The following LRRK2 variants were observed in gnomAD, a reference collection of about 807,000 sequenced individuals.
The protein encoded by LRRK2 is leucine-rich repeat serine/threonine-protein kinase 2.
Under a neutral mutation model 302.6 loss-of-function variants are expected in LRRK2, and 203 were observed. The observed-to-expected ratio is 0.67, with a 90% CI of 0.60 to 0.75. The LOEUF (loss-of-function observed/expected upper bound fraction) is 0.75, where lower values mean the gene tolerates loss of function less well. Ranked by LOEUF, LRRK2 falls within the 30% of genes least tolerant of loss-of-function variation. The pLI is 0.00. For synonymous variants in LRRK2, 1,066 were observed against 1,031.9 expected (o/e 1.03, Z -0.63); for missense variants, 2,830 against 2,951.0 (o/e 0.96, Z 0.95).
intron 13 of LRRK2, 109 bp from the exon 14 acceptor site, chr12:40,263,680 A>T (rs921797617): frequency 1.4e-6 from 1 of 735,898 alleles, no homozygotes; most frequent in Non-Finnish European, 2.3e-6. Flanking sequence ...AAAAAAGTAC[A>T]ACACATATAT....
chr12:40,321,145 C>A lies in LRRK2; in HGVS notation c.5127C>A (p.Ile1709=). The A allele has an allele frequency of 6.2e-7, 1 of 1,612,584 alleles. No individual in the cohort carries two copies. Among genetic ancestry groups the A allele is most frequent in the Non-Finnish European group, 8.5e-7 (1 of 1,178,874 alleles). Residue 1709 remains isoleucine, a synonymous_variant, in exon 35 of 51, where the codon ATC becomes ATA. Transcript: ENST00000298910. ...CAATGGGATTTTGGTCAAGATTAAT[C>A]AATCGATTACTTGAGATTTCACCTT... The part of the protein sequence containing the change: ...YFPMGFWSRL[I]NRLLEISPYM...
rs186665868 is a variant in LRRK2, at chr12:40,364,994, T to A, written c.7334T>A (p.Ile2445Lys). The A allele has an allele frequency of 6.2e-7, 1 of 1,612,548 alleles. No homozygotes were observed. Among genetic ancestry groups the A allele is most frequent in the East Asian group, 2.2e-5 (1 of 44,844 alleles). ...LLLDLSTRRL[I>K]RVIYNFCNSV... is the part of the protein sequence containing the mutation. ...CTGGATCTTTCAACTCGTCGACTTA[T>A]ACGTGTAATTTACAACTTTTGTAAT... The change falls in exon 49 of 51, where the codon ATA becomes AAA. Residue 2445 changes from isoleucine to lysine, a missense_variant. Coordinates refer to ENST00000298910, the MANE Select transcript of LRRK2 (RefSeq NM_198578.4).
intron 25 of LRRK2, among the ~76,000 whole-genome samples, chr12:40,301,766 G>C (rs1238777516): frequency 6.6e-6 from 1 of 150,406 alleles, no homozygotes; most frequent in Admixed American, 6.6e-5. Flanking sequence ...GTGTTCATCT[G>C]ATCTAGCTAC....
chr12:40,255,152 T>C (rs1166989796), intron 11 of LRRK2, among the ~76,000 whole-genome samples: 6 of 152,062 alleles, frequency 3.9e-5, no homozygotes. Context: ...TAAGTAAAAA[T>C]CCCAGGCTCA....
chr12:40,270,681 C>G (rs1255637719), intron 14 of LRRK2, among the ~76,000 whole-genome samples: 1 of 152,002 alleles, frequency 6.6e-6, no homozygotes, highest in Non-Finnish European at 1.5e-5. Context: ...TGAAATCCAT[C>G]CACTTTATTA....
chr12:40,297,120 T>A (rs11175926), intron 23 of LRRK2, among the ~76,000 whole-genome samples: 4,348 of 152,306 alleles, frequency 0.029, 221 homozygotes, highest in African/African-American at 0.095. Context: ...CAGTGCCTAG[T>A]GAGATCTGAC....
At chr12:40,264,845 C>A (rs1242754568) in intron 14 of LRRK2, among the ~76,000 whole-genome samples, 1 of 151,936 alleles carries the variant, frequency 6.6e-6, no homozygotes, top group African/African-American at 2.4e-5. Flanking sequence ...TTGTGTAATG[C>A]AAAAAGTATT....
intron 43 of LRRK2, among the ~76,000 whole-genome samples, chr12:40,349,636 C>T (rs934729514): frequency 6.6e-6 from 1 of 152,160 alleles, no homozygotes; most frequent in Non-Finnish European, 1.5e-5. Context: ...ATCCTGTCGC[C>T]TCAGTCTCCA....
At position 40,315,367 on chromosome 12, in the gene LRRK2, C is replaced by G. The variant is rs541116400; in HGVS notation, c.4827+67C>G. The G allele has an allele frequency of 4.2e-4, 547 of 1,307,032 alleles. 4 individuals carry two copies. In the Middle Eastern group the frequency reaches 4.4e-3, roughly 11 times the overall value. 81.0% of individuals were successfully genotyped at this position (1,307,032 alleles called of 1,614,324 possible). On this transcript the variant is annotated intron_variant, in intron 33 of 50. Coordinates refer to ENST00000298910, the MANE Select transcript of LRRK2 (RefSeq NM_198578.4). ...AGCATAGAACAGATGGCGCCCAGAG[C>G]ATTGAGCATTTTAGAATTTGGGTTT...
At chr12:40,228,570 T>C (rs1941024504) in intron 2 of LRRK2, among the ~76,000 whole-genome samples, 2 of 152,034 alleles carry the variant, frequency 1.3e-5, no homozygotes, top group Non-Finnish European at 1.5e-5. Flanking sequence ...TTGTTAATTA[T>C]TTTCTTTGTT....
At position 40,251,275 on chromosome 12, in the gene LRRK2, G is replaced by T. The variant is rs1942258164; in HGVS notation, c.1002G>T (p.Glu334Asp). 6.2e-7 allele frequency: 1 copy of T among 1,610,150 alleles called. No individual in the cohort carries two copies. The highest frequency in any genetic ancestry group is 1.1e-5 in the South Asian group (1 of 90,580). Reference protein sequence around the residue: ...FLNQDLEEKNENQENDDEGEE... With the variant: ...FLNQDLEEKNDNQENDDEGEE... ...ATCAAGATTTAGAGGAAAAGAATGA[G>T]AATCAAGAGAATGATGATGAGGGGG... Residue 334 changes from glutamate to aspartate, a missense_variant, in exon 9 of 51, where the codon GAG becomes GAT. This residue lies in a region of LRRK2 where 2,121 missense variants were observed against 2,148.0 expected (regional missense o/e 0.99). Coordinates refer to ENST00000298910, the MANE Select transcript of LRRK2 (RefSeq NM_198578.4).
At chr12:40,228,468 TTTTTAGTTCCTTATG>T (rs1941016876) in intron 2 of LRRK2, among the ~76,000 whole-genome samples, 1 of 150,700 alleles carries the variant, frequency 6.6e-6, no homozygotes, top group South Asian at 2.1e-4. Flanking sequence ...TAATTGAGTT[TTTTTAGTTCCTTATG>T]TATTCTGGTT....
chr12:40,367,210 G>A, intron 50 of LRRK2, 133 bp downstream of exon 50: 1 of 727,896 alleles, frequency 1.4e-6, no homozygotes, highest in South Asian at 1.8e-5. Context: ...AGTTTATAGT[G>A]TAAAGAACTT....
chr12:40,235,841 A>AAATG (rs1250506403), intron 4 of LRRK2, 127 bp downstream of exon 4: 1 of 607,236 alleles, frequency 1.6e-6, no homozygotes, highest in African/African-American at 2.2e-5. Flanking sequence ...AGCTTGATTT[A>AAATG]AATGTCCTAA....
chr12:40,261,332 A>T (rs972308388), intron 13 of LRRK2, among the ~76,000 whole-genome samples: 1 of 151,988 alleles, frequency 6.6e-6, no homozygotes, highest in African/African-American at 2.4e-5. Flanking sequence ...ATAAAATAAT[A>T]CTCTTTTAGT....
intron 13 of LRRK2, 52 bp from the exon 14 acceptor site, chr12:40,263,737 C>A: frequency 7.5e-7 from 1 of 1,337,720 alleles, no homozygotes; most frequent in Non-Finnish European, 1.1e-6. Context: ...GTCTGTTCAA[C>A]TCAAATGTTT....
intron 18 of LRRK2, among the ~76,000 whole-genome samples, chr12:40,278,792 A>G (rs12423551): frequency 0.015 from 2,311 of 152,252 alleles, 147 homozygotes; most frequent in Admixed American, 0.099. Context: ...ATGTAAACAT[A>G]TATCTATCTG....
In LRRK2 at chr12:40,308,621, G is replaced by T. The variant is rs750587866; in HGVS notation, c.4114G>T (p.Asp1372Tyr). The T allele has an allele frequency of 2.5e-6, 4 of 1,613,914 alleles. No homozygotes were observed. Among genetic ancestry groups the T allele is most frequent in the Non-Finnish European group, 3.4e-6 (4 of 1,179,968 alleles). Residue 1372 changes from aspartate to tyrosine, a missense_variant, in exon 29 of 51, where the codon GAT (aspartate) becomes TAT (tyrosine). Around this residue, in one of 3 missense-constraint regions of LRRK2, gnomAD observed 2,121 missense variants for 2,148.0 expected, o/e 0.99. Transcript: ENST00000298910. ...LGMQSATVGI[D>Y]VKDWPIQIRD... The stretch of plus-strand genomic sequence containing the variant: ...AATGCAAAGTGCCACAGTTGGCATA[G>T]ATGTGAAAGACTGGCCTATCCAAAT...
At chr12:40,231,188 G>C (rs1260955458) in intron 2 of LRRK2, among the ~76,000 whole-genome samples, 1 of 151,932 alleles carries the variant, frequency 6.6e-6, no homozygotes, top group Non-Finnish European at 1.5e-5. Flanking sequence ...TTCATTATAA[G>C]CCACTTCATT....
Sources: allele counts gnomAD v4.1 joint callset (sites outside exome capture counted in the v4.1 genomes callset), GRCh38; gene constraint gnomAD v4.1.1; regional missense constraint gnomAD v4.1.1; transcripts MANE v1.5; gene names NCBI Gene and HGNC (gene_info 2026-07-23, HGNC 2026-07-21).